MECR: variants seen among roughly 807,000 people sequenced by gnomAD.
The protein encoded by MECR is enoyl-[acyl-carrier-protein] reductase, mitochondrial.
In MECR, 37 loss-of-function variants were observed where a neutral mutation model predicts 49.1. That is an observed-to-expected ratio of 0.75 (90% confidence interval 0.58 to 0.99). The LOEUF (loss-of-function observed/expected upper bound fraction) is 0.99. MECR is among the 50% of genes least tolerant of loss of function. The probability of loss-of-function intolerance (pLI) is 0.00; values close to 1 mark genes in which losing one functional copy is unlikely to be tolerated. For missense variants in MECR, 470 were observed against 479.6 expected (o/e 0.98, Z 0.19); for synonymous variants, 198 against 191.1 (o/e 1.04, Z -0.30).
chr1:29,215,694 A>G (rs1169420670), intron 3 of MECR, among the ~76,000 whole-genome samples: 1 of 151,330 alleles, frequency 6.6e-6, no homozygotes, highest in African/African-American at 2.4e-5. Context: ...AACATGGTGA[A>G]ACCCCATCTC....
In MECR at chr1:29,230,925, A is replaced by T. The variant is rs1013831403; in HGVS notation, c.-19T>A. On this transcript the variant is annotated 5_prime_UTR_variant, in exon 1 of 10. Coordinates refer to ENST00000263702, the MANE Select transcript of MECR (RefSeq NM_016011.5). ...CCCACATGCTCGCTCCAACCAACAC[A>T]GAGCCTGACGCCCCGGCTACGTCAT... The T allele has an allele frequency of 1.9e-6, 3 of 1,567,766 alleles. No homozygotes were observed. The East Asian group carries it at 6.9e-5, about 36-fold the overall frequency.
downstream of MECR, among the ~76,000 whole-genome samples, chr1:29,188,500 G>A (rs1420944495): frequency 6.6e-6 from 1 of 152,034 alleles, no homozygotes; most frequent in Non-Finnish European, 1.5e-5. Context: ...CACTGCGCCT[G>A]GCCTCCATTT....
intron 1 of MECR, among the ~76,000 whole-genome samples, chr1:29,222,784 G>C (rs1227241861): frequency 1.3e-5 from 2 of 152,242 alleles, no homozygotes; most frequent in Middle Eastern, 6.8e-3. Flanking sequence ...GGATGGTGTC[G>C]GGGGCTGGCC....
At chr1:29,189,396 TG>T (rs34552321), downstream of MECR, among the ~76,000 whole-genome samples, 119 of 147,332 alleles carry the variant, frequency 8.1e-4, 1 homozygote, top group South Asian at 4.3e-3. Context: ...AGAGATGGGT[TG>T]GGGGGGGGTC....
At chr1:29,170,684 A>G in the MECR span, 1 of 152,204 alleles carries the variant, frequency 6.6e-6, no homozygotes, top group Non-Finnish European at 1.5e-5. Context: ...CTTCATTTCA[A>G]TTACATGAAA....
chr1:29,220,662 G>C, intron 1 of MECR: 1 of 152,604 alleles, frequency 6.6e-6, no homozygotes, highest in African/African-American at 2.4e-5. Context: ...GTTCATAGAT[G>C]ATGGGTAGAG....
the MECR span, among the ~76,000 whole-genome samples, chr1:29,183,646 TTCTG>T: frequency 1.3e-5 from 2 of 152,192 alleles, no homozygotes; most frequent in Non-Finnish European, 2.9e-5. Flanking sequence ...ATTTTCCTAT[TTCTG>T]TCTGTGTATA....
chr1:29,172,668 T>C, the MECR span: 2 of 152,186 alleles, frequency 1.3e-5, no homozygotes, highest in African/African-American at 4.8e-5. Context: ...GGGTGTTAAG[T>C]GTAACTGGTG....
At chr1:29,184,045 AT>A in the MECR span, among the ~76,000 whole-genome samples, 12 of 150,820 alleles carry the variant, frequency 8.0e-5, no homozygotes, top group Admixed American at 3.3e-4. Flanking sequence ...CGCCCGGCTA[AT>A]TTTTTTGTAT....
intron 1 of MECR, among the ~76,000 whole-genome samples, chr1:29,217,978 T>G (rs1679890221): frequency 6.6e-6 from 1 of 152,196 alleles, no homozygotes; most frequent in African/African-American, 2.4e-5. Flanking sequence ...GATGCCTGGG[T>G]CACCATGGGC....
rs897336921 is a variant in MECR, at chr1:29,194,287, C to A, written c.965-108G>T. The A allele has an allele frequency of 5.7e-6, 7 of 1,231,128 alleles. No individual in the cohort carries two copies. The African/African-American group carries it at 7.6e-5, about 13-fold the overall frequency. The allele number at this position is 1,231,128 out of a possible 1,614,324, so 76.3% of individuals were successfully genotyped here. ...GAGCTGGCACCAAGCTCCAATAAAG[C>A]CTTGAGAGTCCTGGCTGTGCCAAGG... On this transcript the variant is annotated intron_variant, in intron 9 of 9. Coordinates refer to ENST00000263702, the MANE Select transcript of MECR (RefSeq NM_016011.5).
chr1:29,202,180 G>C (rs1675484669), intron 5 of MECR, 135 bp from the exon 6 acceptor site: 3 of 736,794 alleles, frequency 4.1e-6, no homozygotes, highest in Non-Finnish European at 6.9e-6. Flanking sequence ...AGCCAGGCTT[G>C]AGCAGGGACC....
At chr1:29,182,059 T>G in the MECR span, 58 of 268,888 alleles carry the variant, frequency 2.2e-4, no homozygotes, top group South Asian at 5.7e-3. Context: ...CAGGCGGCGC[T>G]GCGGCACGTC....
the MECR span, among the ~76,000 whole-genome samples, chr1:29,180,724 T>G: frequency 3.3e-5 from 5 of 152,236 alleles, no homozygotes; most frequent in Non-Finnish European, 7.3e-5. Context: ...GGTTCCCAGT[T>G]TTCCCCGTTG....
At chr1:29,227,282 T>C (rs1423981407) in intron 1 of MECR, among the ~76,000 whole-genome samples, 1 of 152,086 alleles carries the variant, frequency 6.6e-6, no homozygotes, top group Non-Finnish European at 1.5e-5. Context: ...CTGGGAACTA[T>C]CTGATAGGGA....
chr1:29,182,119 T>C, the MECR span: 1 of 184,740 alleles, frequency 5.4e-6, no homozygotes, highest in Non-Finnish European at 1.1e-5. Flanking sequence ...CGCAGCCAGC[T>C]GGCTTCGCCC....
chr1:29,211,963 T>C (rs1678122097), intron 3 of MECR, among the ~76,000 whole-genome samples: 1 of 152,230 alleles, frequency 6.6e-6, no homozygotes, highest in Non-Finnish European at 1.5e-5. Flanking sequence ...TCTTACTAAA[T>C]GGCAGTCTTC....
At chr1:29,171,370 T>C in the MECR span, 3 of 149,096 alleles carry the variant, frequency 2.0e-5, no homozygotes, top group African/African-American at 5.0e-5. Flanking sequence ...CTAAAGGAAA[T>C]AGCATGAGGG....
chr1:29,193,847 G>A lies in MECR; in HGVS notation c.*175C>T. 1 of 699,328 alleles carries A rather than the reference G, an allele frequency of 1.4e-6. No homozygotes were observed. Among genetic ancestry groups the A allele is most frequent in the South Asian group, 1.9e-5 (1 of 53,766 alleles). The allele number at this position is 699,328 out of a possible 1,614,324, so 43.3% of individuals were successfully genotyped here. A position where few individuals can be genotyped will look rare whatever the true frequency, so the allele number is the denominator to read the frequency against. ...GGAAGGGAGAGTTCAGACTTTATTA[G>A]ATACCTTAAGGCTGGCCCTGGGGAA... On this transcript the variant is annotated 3_prime_UTR_variant, in exon 10 of 10. Coordinates refer to ENST00000263702, the MANE Select transcript of MECR (RefSeq NM_016011.5).
Sources: allele counts gnomAD v4.1 joint callset (sites outside exome capture counted in the v4.1 genomes callset), GRCh38; gene constraint gnomAD v4.1.1; transcripts MANE v1.5; gene names NCBI Gene and HGNC (gene_info 2026-07-23, HGNC 2026-07-21).